APBB1IP: variants seen among roughly 807,000 people sequenced by gnomAD.
APBB1IP encodes the protein amyloid beta A4 precursor protein-binding family B member 1-interacting protein.
In APBB1IP, 27 loss-of-function variants were observed where a neutral mutation model predicts 64.9. That is an observed-to-expected ratio of 0.42 (90% CI 0.31 to 0.57). APBB1IP has a LOEUF of 0.57. Among genes scored for constraint, APBB1IP ranks in the 20% least tolerant of loss-of-function variants. APBB1IP has a pLI of 0.20. For missense variants in APBB1IP, 812 were observed against 845.5 expected, an observed-to-expected ratio of 0.96 and a Z score of 0.49; for synonymous variants, 392 against 331.0, an observed-to-expected ratio of 1.18 and a Z score of -2.00.
chr10:26,501,482 G>C (rs753741453), intron 5 of APBB1IP: 1 of 354,418 alleles, frequency 2.8e-6, no homozygotes. Context: ...AGAATAGAAG[G>C]CATTCATTAT....
chr10:26,493,308 GGCGACATACATCTTTA>G (rs1835980456), intron 3 of APBB1IP, among the ~76,000 whole-genome samples: 2 of 152,124 alleles, frequency 1.3e-5, no homozygotes, highest in Non-Finnish European at 1.5e-5. Flanking sequence ...AGGGTCCTAA[GGCGACATACATCTTTA>G]GCTTATGAAG....
chr10:26,476,446 CAAAAAAAAA>C (rs58548133), intron 2 of APBB1IP, among the ~76,000 whole-genome samples: 4 of 78,268 alleles, frequency 5.1e-5, no homozygotes, highest in South Asian at 5.6e-4. Flanking sequence ...GACCCTGTCT[CAAAAAAAAA>C]AAAAAAAAAA....
chr10:26,555,601 GT>G (rs1229127907), intron 11 of APBB1IP, among the ~76,000 whole-genome samples: 2 of 151,984 alleles, frequency 1.3e-5, no homozygotes, highest in African/African-American at 4.8e-5. Flanking sequence ...TCTTTTTGTT[GT>G]TTTTTTGTTT....
intron 2 of APBB1IP, among the ~76,000 whole-genome samples, chr10:26,469,735 C>G (rs1835694046): frequency 6.6e-6 from 1 of 152,106 alleles, no homozygotes; most frequent in African/African-American, 2.4e-5. Context: ...TTAAACCCAA[C>G]AGTCAGGTTT....
At chr10:26,540,854 T>A (rs1468984417) in intron 10 of APBB1IP, among the ~76,000 whole-genome samples, 1 of 152,062 alleles carries the variant, frequency 6.6e-6, no homozygotes, top group Non-Finnish European at 1.5e-5. Flanking sequence ...AAGAAATCCT[T>A]TTTCTCAGGA....
chr10:26,485,714 A>G (rs1231655758), intron 2 of APBB1IP, among the ~76,000 whole-genome samples: 1 of 152,222 alleles, frequency 6.6e-6, no homozygotes, highest in African/African-American at 2.4e-5. Context: ...TACCATGTCA[A>G]GTTGGTTGTT....
chr10:26,554,034 G>A (rs1261107654), intron 11 of APBB1IP, among the ~76,000 whole-genome samples: 1 of 152,140 alleles, frequency 6.6e-6, no homozygotes, highest in Non-Finnish European at 1.5e-5. Context: ...CTGTGTTGGA[G>A]ACAAATAATT....
At chr10:26,445,119 GAA>G (rs1835378062) in intron 2 of APBB1IP, among the ~76,000 whole-genome samples, 1 of 58,010 alleles carries the variant, frequency 1.7e-5, no homozygotes, top group African/African-American at 7.2e-5. Context: ...GGAAAAGAAA[GAA>G]AGAAAGAAAA....
At chr10:26,495,177 T>G (rs1462763872) in intron 3 of APBB1IP, among the ~76,000 whole-genome samples, 4 of 151,698 alleles carry the variant, frequency 2.6e-5, no homozygotes. Context: ...CCAGCTAATT[T>G]TTGTATTTTT....
At position 26,556,756 on chromosome 10, in the gene APBB1IP, T is replaced by C. The variant is rs11015174; in HGVS notation, c.1156-3349T>C. ...CTACCAAAAACAATAATAGATTATC[T>C]TGAAGGTAACAATGTCAGCTTTTTA... On this transcript the variant is annotated intron_variant, in intron 11 of 14. Transcript: ENST00000376236. Among the ~76,000 whole-genome samples the C allele has an allele frequency of 5.0e-3, 755 of 152,324 alleles. 3 individuals carry two copies. The highest frequency in any genetic ancestry group is 8.3e-3 in the Non-Finnish European group (566 of 68,024).
chr10:26,493,421 A>T (rs1332770772), intron 3 of APBB1IP, among the ~76,000 whole-genome samples: 1 of 152,184 alleles, frequency 6.6e-6, no homozygotes, highest in Admixed American at 6.5e-5. Context: ...AATCTTCACA[A>T]TTTATGTTCA....
chr10:26,440,889 G>A (rs970812921), intron 2 of APBB1IP, among the ~76,000 whole-genome samples: 2 of 152,018 alleles, frequency 1.3e-5, no homozygotes, highest in Admixed American at 1.3e-4. Flanking sequence ...CTTCCAAAGA[G>A]CATTATTATT....
chr10:26,543,270 C>T (rs531395431), intron 11 of APBB1IP, among the ~76,000 whole-genome samples: 6 of 151,936 alleles, frequency 3.9e-5, no homozygotes, highest in Admixed American at 2.0e-4. Flanking sequence ...GACTCTAGAC[C>T]GTACTGGCCA....
chr10:26,512,649 G>A (rs1836275196), intron 7 of APBB1IP, among the ~76,000 whole-genome samples: 1 of 152,142 alleles, frequency 6.6e-6, no homozygotes, highest in African/African-American at 2.4e-5. Context: ...CTCTATCACC[G>A]AAGCTACAGT....
chr10:26,535,936 T>C, intron 9 of APBB1IP, 138 bp from the exon 10 acceptor site: 1 of 820,616 alleles, frequency 1.2e-6, no homozygotes, highest in East Asian at 2.8e-5. Context: ...GCATATAATA[T>C]AAACATATGC....
At position 26,513,597 on chromosome 10, in the gene APBB1IP, C is replaced by T. The variant is rs61757707; in HGVS notation, c.750C>T (p.Asp250=). ...VVEVLSDWTR[D]TENKILFLEK... is the part of the protein sequence containing the mutation. ...AAGTCTTATCAGACTGGACAAGAGA[C>T]ACAGAAAATAAAATACTATTTTTGG... The change falls in exon 8 of 15, where the codon GAC becomes GAT. Residue 250 remains aspartate (D), a synonymous_variant. Coordinates refer to ENST00000376236, the MANE Select transcript of APBB1IP (RefSeq NM_019043.4). The T allele has an allele frequency of 2.5e-5, 40 of 1,612,396 alleles. No individual in the cohort carries two copies. Among genetic ancestry groups the T allele is most frequent in the Non-Finnish European group, 3.1e-5 (37 of 1,179,618 alleles).
intron 2 of APBB1IP, among the ~76,000 whole-genome samples, chr10:26,458,110 G>A (rs563851784): frequency 1.7e-4 from 26 of 152,292 alleles, no homozygotes; most frequent in African/African-American, 6.3e-4. Flanking sequence ...GAAACTCTCT[G>A]GATGTGGTGT....
At position 26,459,096 on chromosome 10, in the gene APBB1IP, C is replaced by G. The variant is rs1016663285; in HGVS notation, c.-1+20243C>G. Among the ~76,000 whole-genome samples, 5 of 118,298 alleles carry G rather than the reference C, an allele frequency of 4.2e-5. No individual in the cohort carries two copies. The South Asian group carries it at 1.7e-3, about 41-fold the overall frequency. 77.6% of individuals were successfully genotyped at this position (118,298 alleles called of 152,430 possible). On this transcript the variant is annotated intron_variant, in intron 2 of 14. Coordinates refer to ENST00000376236, the MANE Select transcript of APBB1IP (RefSeq NM_019043.4). Reference sequence around the variant, plus strand: ...TAATGCTATCCCTCCCCCCTCCCCCCACCCCACAACAGTCCCCAGAGTGTG... The same window carrying G: ...TAATGCTATCCCTCCCCCCTCCCCCGACCCCACAACAGTCCCCAGAGTGTG...
intron 2 of APBB1IP, among the ~76,000 whole-genome samples, chr10:26,475,106 G>GC (rs1554774217): frequency 1.3e-5 from 2 of 149,950 alleles, no homozygotes; most frequent in African/African-American, 4.9e-5. Flanking sequence ...GTCTTCCCTT[G>GC]TTTTTTCTTT....
Sources: allele counts gnomAD v4.1 joint callset (sites outside exome capture counted in the v4.1 genomes callset), GRCh38; gene constraint gnomAD v4.1.1; transcripts MANE v1.5; gene names NCBI Gene and HGNC (gene_info 2026-07-23, HGNC 2026-07-21).